Variants in SMARCC1 observed in about 807,000 individuals in gnomAD.
SMARCC1 encodes the protein SWI/SNF complex subunit SMARCC1.
In SMARCC1, 43 loss-of-function variants were observed where a neutral mutation model predicts 147.4. The observed-to-expected ratio is 0.29, with a 90% CI of 0.23 to 0.38. The LOEUF is 0.38. Ranked by LOEUF, SMARCC1 falls within the 10% of genes least tolerant of loss-of-function variation. SMARCC1 has a pLI of 1.00. For missense variants in SMARCC1, 1,119 were observed against 1,381.1 expected, an observed-to-expected ratio of 0.81 and a Z score of 3.01; for synonymous variants, 495 against 484.4, an observed-to-expected ratio of 1.02 and a Z score of -0.29.
chr3:47,760,319 A>T lies in SMARCC1; in HGVS notation c.315+12498T>A, dbSNP rs150717493. Among the ~76,000 whole-genome samples, 17 of 152,120 alleles carry T rather than the reference A, an allele frequency of 1.1e-4. No homozygotes were observed. The South Asian group carries it at 2.7e-3, about 24-fold the overall frequency. ...AGAGAAAGGCTGTCTCAAAAAAATTAAAAAAAAGAAATTTTTACAAATGTA... is the reference window on the plus strand; with the variant it reads ...AGAGAAAGGCTGTCTCAAAAAAATTTAAAAAAAGAAATTTTTACAAATGTA... On this transcript the variant is annotated intron_variant, in intron 2 of 27. Coordinates refer to ENST00000254480, the MANE Select transcript of SMARCC1 (RefSeq NM_003074.4).
At chr3:47,653,773 T>G (rs890666663) in intron 21 of SMARCC1, among the ~76,000 whole-genome samples, 1 of 152,204 alleles carries the variant, frequency 6.6e-6, no homozygotes, top group South Asian at 2.1e-4. Context: ...ACCCTTATTA[T>G]AAGAGGACCC....
intron 24 of SMARCC1, among the ~76,000 whole-genome samples, chr3:47,633,313 A>C (rs950166078): frequency 5.9e-5 from 9 of 152,210 alleles, no homozygotes; most frequent in African/African-American, 9.7e-5. Context: ...GGTGATCTAA[A>C]GCACCATGAA....
At chr3:47,737,172 G>T (rs1402958053) in intron 4 of SMARCC1, among the ~76,000 whole-genome samples, 1 of 152,042 alleles carries the variant, frequency 6.6e-6, no homozygotes, top group Admixed American at 6.6e-5. Flanking sequence ...CAAGCAAATC[G>T]CTTGAATTCA....
chr3:47,609,505 A>AAG (rs1553673596), intron 26 of SMARCC1, among the ~76,000 whole-genome samples: 1 of 151,968 alleles, frequency 6.6e-6, no homozygotes, highest in Admixed American at 6.6e-5. Context: ...TCAAAAAAAA[A>AAG]AAAAAGACTC....
chr3:47,618,656 C>T (rs889187685), intron 25 of SMARCC1, among the ~76,000 whole-genome samples: 2 of 151,986 alleles, frequency 1.3e-5, no homozygotes, highest in African/African-American at 2.4e-5. Flanking sequence ...AGAAGAGGAG[C>T]GGTTATACAC....
intron 11 of SMARCC1, among the ~76,000 whole-genome samples, chr3:47,694,537 T>C (rs935496602): frequency 1.3e-5 from 2 of 152,102 alleles, no homozygotes; most frequent in African/African-American, 4.8e-5. Flanking sequence ...GAGGTGGAAG[T>C]TGCAATGAGC....
intron 7 of SMARCC1, among the ~76,000 whole-genome samples, chr3:47,715,856 T>A (rs1010672334): frequency 1.3e-5 from 2 of 152,118 alleles, no homozygotes; most frequent in Non-Finnish European, 2.9e-5. Context: ...CACAGATTGC[T>A]CCCTCACTGT....
At chr3:47,625,989 C>CA (rs1417362872) in intron 24 of SMARCC1, among the ~76,000 whole-genome samples, 2 of 151,884 alleles carry the variant, frequency 1.3e-5, no homozygotes, top group Non-Finnish European at 2.9e-5. Flanking sequence ...CCCCGTTCTA[C>CA]AAAAAAATTT....
At chr3:47,611,361 C>T (rs2032561810) in intron 25 of SMARCC1, among the ~76,000 whole-genome samples, 1 of 152,136 alleles carries the variant, frequency 6.6e-6, no homozygotes, top group African/African-American at 2.4e-5. Flanking sequence ...GTGTGGCTAA[C>T]ATGAAATGAG....
At chr3:47,778,301 T>C (rs930966269) in intron 1 of SMARCC1, among the ~76,000 whole-genome samples, 14 of 147,310 alleles carry the variant, frequency 9.5e-5, no homozygotes, top group African/African-American at 3.8e-4. Flanking sequence ...TTTTGTTTTT[T>C]GTTTTGTTTT....
intron 6 of SMARCC1, among the ~76,000 whole-genome samples, chr3:47,723,761 G>A (rs2034265109): frequency 1.3e-5 from 2 of 151,938 alleles, no homozygotes; most frequent in Admixed American, 1.3e-4. Flanking sequence ...AGCGAGCGGA[G>A]ACCACACCAC....
chr3:47,664,625 A>T (rs569537103), intron 19 of SMARCC1, among the ~76,000 whole-genome samples: 1 of 152,318 alleles, frequency 6.6e-6, no homozygotes, highest in South Asian at 2.1e-4. Context: ...TTAATTGGAT[A>T]AAAAGAATTT....
intron 11 of SMARCC1, among the ~76,000 whole-genome samples, chr3:47,700,253 TCA>T (rs1046847428): frequency 6.6e-6 from 1 of 152,140 alleles, no homozygotes; most frequent in African/African-American, 2.4e-5. Flanking sequence ...TTTCTAGATT[TCA>T]GTGAAATTCT....
At position 47,699,610 on chromosome 3, in the gene SMARCC1, CTA is replaced by C. The variant is rs541376049; in HGVS notation, c.1165+1666_1165+1667del. Among the ~76,000 whole-genome samples the C allele has an allele frequency of 5.5e-3, 838 of 151,966 alleles. 4 individuals are homozygous for C. The highest frequency in any genetic ancestry group is 9.0e-3 in the Non-Finnish European group (610 of 67,980). ...TATGTCTATACATATGTATATTGCT[CTA>C]TATGTCTATACATAGGTATATACAT... On this transcript the variant is annotated intron_variant, in intron 11 of 27. Transcript: ENST00000254480.
chr3:47,645,706 T>A (rs1029422606), intron 21 of SMARCC1, among the ~76,000 whole-genome samples: 2 of 152,250 alleles, frequency 1.3e-5, no homozygotes, highest in African/African-American at 2.4e-5. Flanking sequence ...AAACGCAATA[T>A]GATTTTTTGT....
At chr3:47,780,157 G>GGTTTTTTTTT (rs1183150529) in intron 1 of SMARCC1, among the ~76,000 whole-genome samples, 7 of 106,394 alleles carry the variant, frequency 6.6e-5, no homozygotes, top group Non-Finnish European at 7.7e-5. Flanking sequence ...CTGGGTCTTT[G>GGTTTTTTTTT]GTTTTTTTTT....
At chr3:47,712,301 G>GA (rs145203560) in intron 8 of SMARCC1, among the ~76,000 whole-genome samples, 2,164 of 147,076 alleles carry the variant, frequency 0.015, 41 homozygotes, top group African/African-American at 0.047. Context: ...AAGCTAGTTA[G>GA]AAAAAAAAAA....
At chr3:47,781,406 G>C (rs2035046249) in intron 1 of SMARCC1, among the ~76,000 whole-genome samples, 197 bp downstream of exon 1, 1 of 152,202 alleles carries the variant, frequency 6.6e-6, no homozygotes, top group African/African-American at 2.4e-5. Flanking sequence ...GCTCAGAGGA[G>C]AGAGCCCCGA....
chr3:47,667,916 T>C (rs2033443858), intron 19 of SMARCC1, among the ~76,000 whole-genome samples: 1 of 151,898 alleles, frequency 6.6e-6, no homozygotes, highest in African/African-American at 2.4e-5. Context: ...GTGGCTCACG[T>C]CTGTAATCTA....
Sources: gnomAD v4.1 joint callset for allele counts (sites outside exome capture counted in the v4.1 genomes callset) on GRCh38, gnomAD v4.1.1 for gene constraint, MANE v1.5 for transcripts, NCBI Gene and HGNC (gene_info 2026-07-23, HGNC 2026-07-21) for gene names.